Variants in TNXB observed in about 807,000 individuals in gnomAD.
The protein encoded by TNXB is tenascin XB.
Under a neutral mutation model 340.5 loss-of-function variants are expected in TNXB, and 183 were observed. The observed-to-expected ratio is 0.54, with a 90% CI of 0.48 to 0.61. The LOEUF is 0.61. Ranked by LOEUF, TNXB falls within the 20% of genes least tolerant of loss-of-function variation. The probability of loss-of-function intolerance (pLI) is 0.00; values close to 1 mark genes in which losing one functional copy is unlikely to be tolerated. For synonymous variants in TNXB, 2,121 were observed against 2,314.5 expected, an observed-to-expected ratio of 0.92 and a Z score of 2.40; for missense variants, 4,613 against 5,446.4, an observed-to-expected ratio of 0.85 and a Z score of 4.82.
chr6:32,105,935 T>A (rs1345803550), intron 1 of TNXB, among the ~76,000 whole-genome samples: 2 of 152,130 alleles, frequency 1.3e-5, no homozygotes, highest in African/African-American at 4.8e-5. Context: ...TGGAATAAAA[T>A]AAAGCAGGAA....
chr6:32,059,917 A>ATACTCTAAG (rs1777907929), intron 21 of TNXB, among the ~76,000 whole-genome samples: 1 of 152,004 alleles, frequency 6.6e-6, no homozygotes, highest in South Asian at 2.1e-4. Context: ...AGGCATAACA[A>ATACTCTAAG]CCTGGCTGAG....
chr6:32,097,801 C>A lies in TNXB; in HGVS notation c.398G>T (p.Gly133Val). The change falls in exon 2 of 44, where the codon GGC (glycine) becomes GTC (valine). Residue 133 changes from glycine (G) to valine (V), a missense_variant. Physicochemically the swap from Gly to Val is moderately radical, Grantham distance 109. Transcript: ENST00000644971. This position sits in a 1 kb window ranked among gnomAD's most constrained non-coding sequence, Gnocchi z 5.9. Reference protein sequence around the residue: ...GGCCPASAQAGTGQTDVRTLC... With the variant: ...GGCCPASAQAVTGQTDVRTLC... Reference sequence around the variant, plus strand: ...TTCTGTGATCACCTGCTCACCTGTGCCAGCTTGGGCAGAGGCAGGACAACA... The same window carrying A: ...TTCTGTGATCACCTGCTCACCTGTGACAGCTTGGGCAGAGGCAGGACAACA... 3 of 1,501,798 alleles carry A rather than the reference C, an allele frequency of 2.0e-6. No homozygotes were observed. Among genetic ancestry groups the A allele is most frequent in the Non-Finnish European group, 2.7e-6 (3 of 1,124,222 alleles). 93.0% of individuals were successfully genotyped at this position (1,501,798 alleles called of 1,614,324 possible).
rs935705010 is a variant in TNXB, at chr6:32,087,390, G to A, written c.2780-1272C>T. The A allele has an allele frequency of 6.4e-6, 3 of 470,516 alleles. No homozygotes were observed. Among genetic ancestry groups the A allele is most frequent in the African/African-American group, 5.9e-5 (3 of 50,680 alleles). 29.1% of individuals were successfully genotyped at this position (470,516 alleles called of 1,614,324 possible). ...TGCCCGGCACAGTCAGCTCACCGCC[G>A]GGGCCCTCTGCAGGCGGCTGAGGCC... On this transcript the variant is annotated intron_variant, in intron 6 of 43. Transcript: ENST00000644971. The surrounding 1 kb of genome is among the most constrained non-coding windows in gnomAD (Gnocchi z 9.0).
Position 32,097,534 on chromosome 6 carries a change from T to C in TNXB, c.404-85A>G. The stretch of plus-strand genomic sequence containing the variant: ...TGTAGTGCTCCTATGTGCAGGCCCC[T>C]AGCCAGGCTAGCCTCATCTCATAAG... On this transcript the variant is annotated intron_variant, in intron 2 of 43. Coordinates refer to ENST00000644971, the MANE Select transcript of TNXB (RefSeq NM_001365276.2). The surrounding 1 kb of genome is among the most constrained non-coding windows in gnomAD (Gnocchi z 5.9). 6.9e-7 allele frequency: 1 copy of C among 1,454,348 alleles called. No homozygotes were observed. The highest frequency in any genetic ancestry group is 2.3e-5 in the East Asian group (1 of 43,370). The allele number at this position is 1,454,348 out of a possible 1,614,324, so 90.1% of individuals were successfully genotyped here.
chr6:32,062,598 G>C lies in TNXB; in HGVS notation c.6842-115C>G. On this transcript the variant is annotated intron_variant, in intron 19 of 43. Transcript: ENST00000644971. This position sits in a 1 kb window ranked among gnomAD's most constrained non-coding sequence, Gnocchi z 4.3. ...CACAGTCTGGATGCTGGTGCCCCAA[G>C]CTTAGAATATCATTTTTCTGCTTTG... is the stretch of plus-strand genomic sequence containing the variant. The C allele has an allele frequency of 1.0e-6, 1 of 1,000,620 alleles. No homozygotes were observed. The highest frequency in any genetic ancestry group is 1.4e-6 in the Non-Finnish European group (1 of 701,352). The allele number at this position is 1,000,620 out of a possible 1,614,324, so 62.0% of individuals were successfully genotyped here. A position where few individuals can be genotyped will look rare whatever the true frequency, so the allele number is the denominator to read the frequency against.
chr6:32,100,567 A>G (rs1465893227), intron 1 of TNXB, among the ~76,000 whole-genome samples: 1 of 152,118 alleles, frequency 6.6e-6, no homozygotes, highest in African/African-American at 2.4e-5. Context: ...GTCTCTACAA[A>G]AAACAAAAAG....
At position 32,049,715 on chromosome 6, in the gene TNXB, G is replaced by C. The variant is rs545248488; in HGVS notation, c.9440-128C>G. On this transcript the variant is annotated intron_variant, in intron 27 of 43. Coordinates refer to ENST00000644971, the MANE Select transcript of TNXB (RefSeq NM_001365276.2). This position sits in a 1 kb window ranked among gnomAD's most constrained non-coding sequence, Gnocchi z 4.5. ...CAGAGAAGTCCATTCTTGGGGCTGG[G>C]TGGTCCTGCTCAGCTGACAGCTAAC... 8 of 1,245,558 alleles carry C rather than the reference G, an allele frequency of 6.4e-6. No homozygotes were observed. Among genetic ancestry groups the C allele is most frequent in the Admixed American group, 2.6e-5 (1 of 39,052 alleles). The allele number at this position is 1,245,558 out of a possible 1,614,324, so 77.2% of individuals were successfully genotyped here. A position where few individuals can be genotyped will look rare whatever the true frequency, so the allele number is the denominator to read the frequency against.
rs1778440190 is a variant in TNXB at position 32,067,449 on chromosome 6, A to G, written c.6544+212T>C. On this transcript the variant is annotated intron_variant, in intron 18 of 43. Coordinates refer to ENST00000644971, the MANE Select transcript of TNXB (RefSeq NM_001365276.2). This position sits in a 1 kb window ranked among gnomAD's most constrained non-coding sequence, Gnocchi z 4.2. ...ACCAGCCAGTGAATCACCTCCCAAG[A>G]GGCCTCAGTCCCTGGGGGCCTTTCC... Among the ~76,000 whole-genome samples the G allele has an allele frequency of 6.6e-6, 1 of 152,230 alleles. No homozygotes were observed. Among genetic ancestry groups the G allele is most frequent in the African/African-American group, 2.4e-5 (1 of 41,456 alleles).
chr6:32,088,689 T>C (rs1779928415), intron 6 of TNXB, 96 bp downstream of exon 6: 13 of 1,484,326 alleles, frequency 8.8e-6, no homozygotes, highest in African/African-American at 1.4e-5. Flanking sequence ...GCCAGAAGCA[T>C]TCAGAGGAGT....
At chr6:32,057,235 A>C (rs1414603644) in intron 22 of TNXB, among the ~76,000 whole-genome samples, 1 of 151,946 alleles carries the variant, frequency 6.6e-6, no homozygotes, top group East Asian at 1.9e-4. Flanking sequence ...TCTTTTGTTC[A>C]CTGGGCTTCT....
At chr6:32,100,190 C>T (rs56326741) in intron 1 of TNXB, among the ~76,000 whole-genome samples, 16,451 of 151,560 alleles carry the variant, frequency 0.11, 1,052 homozygotes, top group African/African-American at 0.17. Context: ...CTGCAACCTC[C>T]GTCTCCCAGG....
In TNXB at chr6:32,052,551, A is replaced by G; in HGVS notation, c.9115+119T>C. ...AATCTGCTTTTTAACAAAAATCTCC[A>G]GGCATTTGGATACACAAAGGAAGGA... On this transcript the variant is annotated intron_variant, in intron 26 of 43. Coordinates refer to ENST00000644971, the MANE Select transcript of TNXB (RefSeq NM_001365276.2). The surrounding 1 kb of genome is among the most constrained non-coding windows in gnomAD (Gnocchi z 4.7). 1 of 1,363,038 alleles carries G rather than the reference A, an allele frequency of 7.3e-7. No individual in the cohort carries two copies. Among genetic ancestry groups the G allele is most frequent in the South Asian group, 1.5e-5 (1 of 67,482 alleles). 84.4% of individuals were successfully genotyped at this position (1,363,038 alleles called of 1,614,324 possible).
At chr6:32,060,031 T>C (rs951752129) in intron 21 of TNXB, among the ~76,000 whole-genome samples, 2 of 151,952 alleles carry the variant, frequency 1.3e-5, no homozygotes, top group Non-Finnish European at 2.9e-5. Flanking sequence ...AACTTCCTCA[T>C]AATTAGAAAT....
Position 32,081,190 on chromosome 6 carries a change from T to C in TNXB, c.4042+178A>G, listed in dbSNP as rs1193851233. On this transcript the variant is annotated intron_variant, in intron 10 of 43. Transcript: ENST00000644971. The surrounding 1 kb of genome is among the most constrained non-coding windows in gnomAD (Gnocchi z 5.1). The stretch of plus-strand genomic sequence containing the variant: ...GAGGAAGAGATGAGGAGGTGGAGGC[T>C]GGATGAGGGGGACCTGGCATGCAGA... Among the ~76,000 whole-genome samples the C allele has an allele frequency of 3.4e-4, 52 of 151,962 alleles. No homozygotes were observed.
rs1395408850 is a variant in TNXB, at chr6:32,090,845, C to CTG, written c.2359-1468_2359-1467dup. The stretch of plus-strand genomic sequence containing the variant: ...CCCAGAATTTATTTGTTCATTTTCT[C>CTG]TGTGTGTGTGTATGTCTCTTTCTCT... On this transcript the variant is annotated intron_variant, in intron 4 of 43. Coordinates refer to ENST00000644971, the MANE Select transcript of TNXB (RefSeq NM_001365276.2). This position sits in a 1 kb window ranked among gnomAD's most constrained non-coding sequence, Gnocchi z 4.3. 1.3e-5 allele frequency among the ~76,000 whole-genome samples: 2 copies of CTG among 152,136 alleles called. No individual in the cohort carries two copies. Among genetic ancestry groups the CTG allele is most frequent in the Admixed American group, 6.5e-5 (1 of 15,274 alleles).
In TNXB at chr6:32,065,005, G is replaced by C; in HGVS notation, c.6657C>G (p.Gly2219=). ...ACTGGACCAAGAAATGGTCAAACTG[G>C]CCCTCGGGGACTGTCCAGGAGAGGC... ...SLSLSWTVPE[G]QFDHFLVQFK... The change falls in exon 19 of 44, where the codon GGC becomes GGG. Residue 2219 remains glycine, a synonymous_variant. Coordinates refer to ENST00000644971, the MANE Select transcript of TNXB (RefSeq NM_001365276.2). 1 of 1,612,038 alleles carries C rather than the reference G, an allele frequency of 6.2e-7. No homozygotes were observed. The highest frequency in any genetic ancestry group is 8.5e-7 in the Non-Finnish European group (1 of 1,179,494).
Position 32,049,544 on chromosome 6 carries a change from C to T in TNXB, c.9483G>A (p.Pro3161=), listed in dbSNP as rs190707735. The T allele has an allele frequency of 1.3e-5, 21 of 1,612,324 alleles. No homozygotes were observed. Among genetic ancestry groups the T allele is most frequent in the African/African-American group, 2.7e-5 (2 of 74,872 alleles). Residue 3161 remains proline, a synonymous_variant, in exon 28 of 44, where the codon CCG becomes CCA. Coordinates refer to ENST00000644971, the MANE Select transcript of TNXB (RefSeq NM_001365276.2). The surrounding 1 kb of genome is among the most constrained non-coding windows in gnomAD (Gnocchi z 4.5). Reference sequence around the variant, plus strand: ...CCAGGAGCGGCTCCTCAGGGGCCTCCGGGGCCTCAGTGCTGGGTTCTGTGG... The same window carrying T: ...CCAGGAGCGGCTCCTCAGGGGCCTCTGGGGCCTCAGTGCTGGGTTCTGTGG... The part of the protein sequence containing the change: ...PSPTEPSTEA[P]EAPEEPLLGE...
chr6:32,058,303 T>A lies in TNXB; in HGVS notation c.7580A>T (p.Glu2527Val). Residue 2527 changes from glutamate to valine, a missense_variant, in exon 22 of 44, where the codon GAG (glutamate) becomes GTG (valine). Transcript: ENST00000644971. This position sits in a 1 kb window ranked among gnomAD's most constrained non-coding sequence, Gnocchi z 5.1. ...AGGGGAGGATCCTGTCACTGTCAGCTCCCCCAGGAGAGGCTCCTCGGGGGG... is the reference window on the plus strand; with the variant it reads ...AGGGGAGGATCCTGTCACTGTCAGCACCCCCAGGAGAGGCTCCTCGGGGGG... ...PGPPEEPLLG[E>V]LTVTGSSPDS... 6.2e-7 allele frequency: 1 copy of A among 1,611,646 alleles called. No homozygotes were observed. The highest frequency in any genetic ancestry group is 8.5e-7 in the Non-Finnish European group (1 of 1,179,488).
chr6:32,086,399 C>T (rs958296493), intron 6 of TNXB, among the ~76,000 whole-genome samples: 2 of 152,200 alleles, frequency 1.3e-5, no homozygotes, highest in Non-Finnish European at 2.9e-5. Context: ...CTCCAGCCCC[C>T]GGAGACTTCC....
Sources: allele counts gnomAD v4.1 joint callset (sites outside exome capture counted in the v4.1 genomes callset), GRCh38; gene constraint gnomAD v4.1.1; non-coding constraint Gnocchi (gnomAD v3.1); transcripts MANE v1.5; gene names NCBI Gene and HGNC (gene_info 2026-07-23, HGNC 2026-07-21).